Variants in CDC42BPB observed in about 807,000 individuals in gnomAD.
CDC42BPB encodes the protein serine/threonine-protein kinase MRCK beta.
In CDC42BPB, 37 loss-of-function variants were observed where a neutral mutation model predicts 214.9. The ratio of observed to expected loss-of-function variants is 0.17; its 90% CI spans 0.13 to 0.23. CDC42BPB has a LOEUF of 0.23. Ranked by LOEUF, CDC42BPB falls within the 10% of genes least tolerant of loss-of-function variation. CDC42BPB has a pLI of 1.00. For missense variants in CDC42BPB, 1,694 were observed against 2,227.0 expected (o/e 0.76, Z 4.82); for synonymous variants, 931 against 884.0 (o/e 1.05, Z -0.94).
intron 1 of CDC42BPB, among the ~76,000 whole-genome samples, chr14:103,051,510 C>G (rs1888606392): frequency 6.7e-6 from 1 of 148,778 alleles, no homozygotes; most frequent in South Asian, 2.1e-4. Flanking sequence ...TTGGAATTAA[C>G]AGTCCTGTGT....
intron 24 of CDC42BPB, among the ~76,000 whole-genome samples, chr14:102,951,789 A>G (rs1395676690): frequency 6.6e-6 from 1 of 152,238 alleles, no homozygotes; most frequent in Non-Finnish European, 1.5e-5. Context: ...TCTTGTCTCG[A>G]AAAAGAAATA....
chr14:103,027,173 A>G (rs1887100396), intron 1 of CDC42BPB, among the ~76,000 whole-genome samples: 2 of 152,228 alleles, frequency 1.3e-5, no homozygotes, highest in Non-Finnish European at 2.9e-5. Context: ...CTACAATAAA[A>G]AAGACAAATC....
chr14:103,017,290 C>T (rs544833089), intron 1 of CDC42BPB, among the ~76,000 whole-genome samples: 6 of 152,066 alleles, frequency 3.9e-5, no homozygotes, highest in Non-Finnish European at 7.4e-5. Flanking sequence ...CCACTGCACT[C>T]CAGGCTGGAC....
chr14:102,959,935 G>A lies in CDC42BPB; in HGVS notation c.2822-225C>T, dbSNP rs139276514. On this transcript the variant is annotated intron_variant, in intron 20 of 36. Coordinates refer to ENST00000361246, the MANE Select transcript of CDC42BPB (RefSeq NM_006035.4). ...AAAAAGTAACCAAGGGACTGGGTGCGGTGGCTCACGCCTGTAATCCCAACA... is the reference window on the plus strand; with the variant it reads ...AAAAAGTAACCAAGGGACTGGGTGCAGTGGCTCACGCCTGTAATCCCAACA... 69 of 721,538 alleles carry A rather than the reference G, an allele frequency of 9.6e-5. No homozygotes were observed. In the African/African-American group the frequency reaches 9.7e-4, roughly 10 times the overall value. 44.7% of individuals were successfully genotyped at this position (721,538 alleles called of 1,614,324 possible).
Position 102,950,462 on chromosome 14 carries a change from C to G in CDC42BPB, c.3309+4G>C, listed in dbSNP as rs1054301120. ...GGGCTGAGGGCGGAGATGAAGCCGC[C>G]TACCTTGACATGGCCTTTGTAGGCT... On this transcript the variant is annotated splice_donor_region_variant and intron_variant, in intron 25 of 36. Coordinates refer to ENST00000361246, the MANE Select transcript of CDC42BPB (RefSeq NM_006035.4). 15 of 1,612,748 alleles carry G rather than the reference C, an allele frequency of 9.3e-6. No individual in the cohort carries two copies. In the Admixed American group the frequency reaches 2.0e-4, roughly 22 times the overall value.
intron 29 of CDC42BPB, chr14:102,945,316 G>C (rs886210893): frequency 1.1e-5 from 5 of 469,574 alleles, no homozygotes; most frequent in South Asian, 7.8e-5. Flanking sequence ...GCCCTTCCTC[G>C]CTGGGAAGAC....
rs1226128480 is a variant in CDC42BPB at position 102,932,996 on chromosome 14, C to G, written c.*716G>C. ...CAGGGCCTGCCTGCACCACGACACT[C>G]GCTGGTTTTATGGCAGGAGGCAGAA... On this transcript the variant is annotated 3_prime_UTR_variant, in exon 37 of 37. Coordinates refer to ENST00000361246, the MANE Select transcript of CDC42BPB (RefSeq NM_006035.4). 6.6e-6 allele frequency: 1 copy of G among 152,348 alleles called. No individual in the cohort carries two copies. The highest frequency in any genetic ancestry group is 2.4e-5 in the African/African-American group (1 of 41,422). The allele number at this position is 152,348 out of a possible 1,614,324, so 9.4% of individuals were successfully genotyped here. A position where few individuals can be genotyped will look rare whatever the true frequency, so the allele number is the denominator to read the frequency against.
At chr14:103,053,160 C>T (rs1595200432) in intron 1 of CDC42BPB, among the ~76,000 whole-genome samples, 1 of 150,296 alleles carries the variant, frequency 6.7e-6, no homozygotes, top group Non-Finnish European at 1.5e-5. Flanking sequence ...CCAGCCTGGC[C>T]AAGATGGTGA....
At chr14:102,990,215 TAAC>T (rs758422696) in intron 5 of CDC42BPB, among the ~76,000 whole-genome samples, 8 of 152,076 alleles carry the variant, frequency 5.3e-5, no homozygotes, top group Admixed American at 3.9e-4. Flanking sequence ...TTCAAATAAA[TAAC>T]AACACTGAAG....
chr14:103,052,811 C>G (rs1888684346), intron 1 of CDC42BPB, among the ~76,000 whole-genome samples: 1 of 152,200 alleles, frequency 6.6e-6, no homozygotes. Flanking sequence ...TGTGGCCTGT[C>G]CAATGCCCAT....
intron 24 of CDC42BPB, among the ~76,000 whole-genome samples, chr14:102,951,668 C>T (rs1892496405): frequency 6.6e-6 from 1 of 151,660 alleles, no homozygotes; most frequent in South Asian, 2.1e-4. Flanking sequence ...GTGGGCCTGT[C>T]CCCAGCTACT....
chr14:103,030,287 G>A (rs1481317256), intron 1 of CDC42BPB, among the ~76,000 whole-genome samples: 1 of 152,244 alleles, frequency 6.6e-6, no homozygotes, highest in Non-Finnish European at 1.5e-5. Context: ...ATTTAAGAAT[G>A]TTTAGAAGAA....
chr14:102,996,192 T>C (rs934693024), intron 5 of CDC42BPB, among the ~76,000 whole-genome samples: 1 of 151,840 alleles, frequency 6.6e-6, no homozygotes, highest in African/African-American at 2.4e-5. Flanking sequence ...ACAAAAAAAT[T>C]AGCTGGGCGT....
chr14:102,938,366 T>A lies in CDC42BPB; in HGVS notation c.4873A>T (p.Thr1625Ser), dbSNP rs763623314. The A allele has an allele frequency of 1.3e-6, 2 of 1,586,754 alleles. No homozygotes were observed. The highest frequency in any genetic ancestry group is 1.3e-5 in the African/African-American group (1 of 74,078). ...SQEERPGPAP[T>S]NLARQPPSRN... is the part of the protein sequence containing the mutation. ...GATGGAGGCTGGCGAGCCAGGTTGG[T>A]GGGAGCGGGGCCCGGCCTTTCCTCC... The change falls in exon 35 of 37, where the codon ACC (threonine) becomes TCC (serine). Residue 1625 changes from threonine (T) to serine (S), a missense_variant. Thr to Ser is a moderately conservative substitution (Grantham distance 58). Around this residue, in one of 7 missense-constraint regions of CDC42BPB, gnomAD observed 146 missense variants for 134.1 expected, o/e 1.09. Transcript: ENST00000361246.
At chr14:103,032,287 C>T (rs536598385) in intron 1 of CDC42BPB, among the ~76,000 whole-genome samples, 1 of 152,226 alleles carries the variant, frequency 6.6e-6, no homozygotes, top group South Asian at 2.1e-4. Context: ...ACACTTGGGC[C>T]TCAGGCCTCA....
intron 13 of CDC42BPB, 72 bp from the exon 14 acceptor site, chr14:102,970,333 G>T: frequency 6.5e-7 from 1 of 1,530,344 alleles, no homozygotes; most frequent in South Asian, 1.2e-5. Flanking sequence ...AGCACCCACG[G>T]GACCTCCACA....
intron 26 of CDC42BPB, 105 bp downstream of exon 26, chr14:102,949,660 G>C (rs1892390906): frequency 7.1e-7 from 1 of 1,414,972 alleles, no homozygotes; most frequent in South Asian, 1.2e-5. Context: ...TGAAGCAGGT[G>C]AAGTACTAAT....
Position 102,983,550 on chromosome 14 carries a change from T to G in CDC42BPB, c.891+6A>C. ...CCAAAAAAAAAAAAAAAATGCAACG[T>G]CTTACTTCATGGTTCATGATCTTCC... is the stretch of plus-strand genomic sequence containing the variant. On this transcript the variant is annotated splice_donor_region_variant and intron_variant, in intron 7 of 36. Transcript: ENST00000361246. 1.9e-6 allele frequency: 3 copies of G among 1,573,368 alleles called. No individual in the cohort carries two copies. The highest frequency in any genetic ancestry group is 1.2e-5 in the South Asian group (1 of 86,036).
At chr14:102,981,270 A>T (rs991254371) in intron 7 of CDC42BPB, 10 of 834,312 alleles carry the variant, frequency 1.2e-5, no homozygotes, top group Non-Finnish European at 1.4e-5. Context: ...TTACCTATGG[A>T]AGTGGCAAGG....
Sources: gnomAD v4.1 joint callset for allele counts (sites outside exome capture counted in the v4.1 genomes callset) on GRCh38, gnomAD v4.1.1 for gene constraint, gnomAD v4.1.1 regional missense constraint, MANE v1.5 for transcripts, NCBI Gene and HGNC (gene_info 2026-07-23, HGNC 2026-07-21) for gene names.